The following STXBP4 variants were observed in gnomAD, a reference collection of about 807,000 sequenced individuals.
The protein encoded by STXBP4 is syntaxin binding protein 4, also known as syntaxin-binding protein 4.
Under a neutral mutation model 76.1 loss-of-function variants are expected in STXBP4, and 55 were observed. The ratio of observed to expected loss-of-function variants is 0.72; its 90% CI spans 0.58 to 0.91. STXBP4 has a LOEUF of 0.91. Ranked by LOEUF, STXBP4 falls within the 40% of genes least tolerant of loss-of-function variation. The probability of loss-of-function intolerance (pLI) is 0.00; values close to 1 mark genes in which losing one functional copy is unlikely to be tolerated. For missense variants in STXBP4, 618 were observed against 636.9 expected (o/e 0.97, Z 0.32); for synonymous variants, 201 against 220.2 (o/e 0.91, Z 0.77).
rs371582498 is a variant in STXBP4 at position 54,990,976 on chromosome 17, C to T, written c.180+19C>T. ...TTATAAGGTAAAAATATGTCCCATG[C>T]CCACCAAAAATACAAACAAAAAGAC... On this transcript the variant is annotated intron_variant, in intron 4 of 17. Transcript: ENST00000376352. The T allele has an allele frequency of 4.0e-6, 6 of 1,501,712 alleles. No homozygotes were observed. In the African/African-American group the frequency reaches 8.6e-5, roughly 22 times the overall value. 93.0% of individuals were successfully genotyped at this position (1,501,712 alleles called of 1,614,324 possible). A position where few individuals can be genotyped will look rare whatever the true frequency, so the allele number is the denominator to read the frequency against.
chr17:55,204,505 A>C, the STXBP4 span, among the ~76,000 whole-genome samples: 1 of 152,084 alleles, frequency 6.6e-6, no homozygotes, highest in African/African-American at 2.4e-5. Flanking sequence ...TGTGTAAAAA[A>C]TTACACAGAT....
At chr17:55,065,314 T>A (rs542726148) in intron 12 of STXBP4, among the ~76,000 whole-genome samples, 2 of 152,202 alleles carry the variant, frequency 1.3e-5, no homozygotes, top group Admixed American at 6.5e-5. Context: ...ATTTAGCTCT[T>A]GTTATGTCTC....
intron 7 of STXBP4, among the ~76,000 whole-genome samples, chr17:55,001,391 CTT>C (rs2077911972): frequency 6.6e-6 from 1 of 151,962 alleles, no homozygotes; most frequent in Admixed American, 6.6e-5. Context: ...GATTTACTGA[CTT>C]TTTAAAACAA....
chr17:55,040,642 A>G (rs2078681748), intron 10 of STXBP4, among the ~76,000 whole-genome samples: 1 of 152,160 alleles, frequency 6.6e-6, no homozygotes, highest in African/African-American at 2.4e-5. Context: ...GCACAGTCCA[A>G]TGACCTATAG....
chr17:55,078,762 G>A, intron 15 of STXBP4, 27 bp downstream of exon 15: 1 of 1,244,086 alleles, frequency 8.0e-7, no homozygotes. Context: ...GCTTTTTGCA[G>A]AATATGGGTA....
At chr17:55,071,058 T>A (rs1205612428) in intron 12 of STXBP4, among the ~76,000 whole-genome samples, 1 of 152,148 alleles carries the variant, frequency 6.6e-6, no homozygotes, top group Non-Finnish European at 1.5e-5. Flanking sequence ...ACTCCACCAC[T>A]ATCACCCTTA....
chr17:55,201,190 C>T, the STXBP4 span, among the ~76,000 whole-genome samples: 1 of 152,178 alleles, frequency 6.6e-6, no homozygotes, highest in Non-Finnish European at 1.5e-5. Context: ...AACAGCCTTC[C>T]CCTCCACAGT....
intron 10 of STXBP4, among the ~76,000 whole-genome samples, chr17:55,039,275 G>A (rs1156291067): frequency 6.6e-6 from 1 of 151,976 alleles, no homozygotes; most frequent in Non-Finnish European, 1.5e-5. Context: ...CTCAAGAGGT[G>A]AGTAGGGAGT....
At chr17:54,993,718 A>C (rs1399363935) in intron 4 of STXBP4, among the ~76,000 whole-genome samples, 1 of 152,216 alleles carries the variant, frequency 6.6e-6, no homozygotes, top group Non-Finnish European at 1.5e-5. Context: ...ACAAACTCAT[A>C]AGGTTATCTT....
At chr17:55,186,230 A>T in the STXBP4 span, among the ~76,000 whole-genome samples, 702 of 152,290 alleles carry the variant, frequency 4.6e-3, 5 homozygotes, top group Middle Eastern at 0.014. Context: ...TTGAGACAGG[A>T]TCTCGCTCTC....
intron 4 of STXBP4, among the ~76,000 whole-genome samples, chr17:54,993,395 C>T (rs1001303671): frequency 2.0e-5 from 3 of 152,158 alleles, no homozygotes; most frequent in Admixed American, 2.0e-4. Flanking sequence ...GCAGGAGGAT[C>T]CCTTGGGCCC....
chr17:55,003,250 A>G (rs946441632), intron 7 of STXBP4, among the ~76,000 whole-genome samples: 8 of 152,240 alleles, frequency 5.3e-5, no homozygotes, highest in Non-Finnish European at 1.2e-4. Flanking sequence ...AACAATGAAT[A>G]AACTCAGGTA....
At chr17:55,010,355 G>C (rs1344939202) in intron 8 of STXBP4, among the ~76,000 whole-genome samples, 1 of 151,994 alleles carries the variant, frequency 6.6e-6, no homozygotes, top group African/African-American at 2.4e-5. Context: ...TTTAAGTAGA[G>C]AAATTTATAA....
chr17:55,198,102 T>C, the STXBP4 span, among the ~76,000 whole-genome samples: 1 of 152,238 alleles, frequency 6.6e-6, no homozygotes, highest in African/African-American at 2.4e-5. Flanking sequence ...CATTGGCCAC[T>C]TGGCATACAC....
the STXBP4 span, among the ~76,000 whole-genome samples, chr17:55,208,744 G>A: frequency 6.6e-6 from 1 of 152,140 alleles, no homozygotes; most frequent in African/African-American, 2.4e-5. Context: ...AAACAGACCT[G>A]CAGGGAGATG....
chr17:55,127,675 T>C (rs2079928183), intron 16 of STXBP4, among the ~76,000 whole-genome samples: 1 of 152,242 alleles, frequency 6.6e-6, no homozygotes, highest in African/African-American at 2.4e-5. Flanking sequence ...TAACCCTCTA[T>C]GAAGGTGTTT....
intron 17 of STXBP4, among the ~76,000 whole-genome samples, chr17:55,150,818 G>A (rs921659827): frequency 6.6e-6 from 1 of 152,142 alleles, no homozygotes; most frequent in Non-Finnish European, 1.5e-5. Flanking sequence ...ACCTGTAAGT[G>A]TGAATATACT....
intron 15 of STXBP4, among the ~76,000 whole-genome samples, chr17:55,080,657 A>G: frequency 6.6e-6 from 1 of 152,078 alleles, no homozygotes; most frequent in Non-Finnish European, 1.5e-5. Context: ...TAATATTACT[A>G]GAAGTAATAA....
intron 1 of STXBP4, among the ~76,000 whole-genome samples, chr17:54,983,901 G>A (rs1362288978): frequency 6.6e-6 from 1 of 152,120 alleles, no homozygotes; most frequent in Non-Finnish European, 1.5e-5. Flanking sequence ...ACTAGTCAAA[G>A]CCCAAGGATT....
Sources: gnomAD v4.1 joint callset for allele counts (sites outside exome capture counted in the v4.1 genomes callset) on GRCh38, gnomAD v4.1.1 for gene constraint, MANE v1.5 for transcripts, NCBI Gene and HGNC (gene_info 2026-07-23, HGNC 2026-07-21) for gene names.